The following BMPR1B variants were observed in gnomAD, a reference collection of about 807,000 sequenced individuals.
BMPR1B encodes the protein bone morphogenetic protein receptor type-1B.
In BMPR1B, 12 loss-of-function variants were observed where a neutral mutation model predicts 59.1. The observed-to-expected ratio is 0.20, with a 90% CI of 0.13 to 0.33. The LOEUF is 0.33. Among genes scored for constraint, BMPR1B ranks in the 10% least tolerant of loss-of-function variants. The probability of loss-of-function intolerance (pLI) is 1.00; values close to 1 mark genes in which losing one functional copy is unlikely to be tolerated. For synonymous variants in BMPR1B, 237 were observed against 207.3 expected, an observed-to-expected ratio of 1.14 and a Z score of -1.23; for missense variants, 550 against 610.9, an observed-to-expected ratio of 0.90 and a Z score of 1.05.
chr4:94,891,541 G>A (rs182318283), intron 2 of BMPR1B, among the ~76,000 whole-genome samples: 14 of 152,152 alleles, frequency 9.2e-5, no homozygotes, highest in Admixed American at 9.2e-4. Flanking sequence ...GGTACTAGTG[G>A]TTTTTGAAGT....
intron 2 of BMPR1B, among the ~76,000 whole-genome samples, chr4:94,987,521 T>C (rs1421268309): frequency 2.0e-5 from 3 of 152,066 alleles, no homozygotes; most frequent in South Asian, 2.1e-4. Flanking sequence ...TCCTCTCCCA[T>C]TGAGACCATT....
At chr4:95,098,113 A>G (rs939668672) in intron 3 of BMPR1B, among the ~76,000 whole-genome samples, 1 of 152,098 alleles carries the variant, frequency 6.6e-6, no homozygotes, top group Non-Finnish European at 1.5e-5. Flanking sequence ...ACATTCTTAT[A>G]TGTTATTTTA....
At position 95,026,065 on chromosome 4, in the gene BMPR1B, C is replaced by A. The variant is rs534303265; in HGVS notation, c.-18+29931C>A. Among the ~76,000 whole-genome samples the A allele has an allele frequency of 8.2e-5, 12 of 146,680 alleles. No individual in the cohort carries two copies. In the South Asian group the frequency reaches 2.2e-3, roughly 27 times the overall value. Reference sequence around the variant, plus strand: ...CAGTATACTTTTGCTCATTTTATACCACCATGCTTGGCTGGCTGGATTGCT... The same window carrying A: ...CAGTATACTTTTGCTCATTTTATACAACCATGCTTGGCTGGCTGGATTGCT... On this transcript the variant is annotated intron_variant, in intron 3 of 12. Transcript: ENST00000515059.
chr4:94,882,990 G>A (rs1034541373), intron 2 of BMPR1B, among the ~76,000 whole-genome samples: 1 of 151,626 alleles, frequency 6.6e-6, no homozygotes, highest in African/African-American at 2.4e-5. Context: ...GTGTGTGTGT[G>A]TGTGTGTGTG....
At chr4:95,017,373 A>G (rs1207363810) in intron 3 of BMPR1B, among the ~76,000 whole-genome samples, 1 of 151,992 alleles carries the variant, frequency 6.6e-6, no homozygotes, top group Admixed American at 6.6e-5. Context: ...TGTTCTCTCC[A>G]CCTGTCTTCT....
intron 2 of BMPR1B, among the ~76,000 whole-genome samples, chr4:94,930,706 T>TA (rs1226045267): frequency 6.6e-6 from 1 of 152,124 alleles, no homozygotes; most frequent in African/African-American, 2.4e-5. Flanking sequence ...AACAGACAAT[T>TA]ACAATATAGT....
At chr4:94,881,115 A>G (rs1016499443) in intron 2 of BMPR1B, among the ~76,000 whole-genome samples, 4 of 152,082 alleles carry the variant, frequency 2.6e-5, no homozygotes, top group Non-Finnish European at 5.9e-5. Context: ...GGCATTCAGT[A>G]TGTTTACATT....
Position 94,840,340 on chromosome 4 carries a change from A to G in BMPR1B, c.-182-35491A>G, listed in dbSNP as rs1236349867. On this transcript the variant is annotated intron_variant, in intron 1 of 12. Coordinates refer to ENST00000515059, the MANE Select transcript of BMPR1B (RefSeq NM_001203.3). The stretch of plus-strand genomic sequence containing the variant: ...TTAGATTGGGGAAGTTCTCCTAGAT[A>G]ATATCCTGCAGAGTGTTTTTCAACT... Among the ~76,000 whole-genome samples the G allele has an allele frequency of 5.4e-5, 8 of 149,004 alleles. 1 individual carries two copies. The highest frequency in any genetic ancestry group is 1.5e-4 in the African/African-American group (6 of 40,290).
chr4:94,871,364 TCTG>T, intron 1 of BMPR1B, among the ~76,000 whole-genome samples: 1 of 152,354 alleles, frequency 6.6e-6, no homozygotes, highest in Non-Finnish European at 1.5e-5. Flanking sequence ...ACTAATCTTT[TCTG>T]CTATTTTAAG....
At chr4:94,958,975 A>C (rs541527100) in intron 2 of BMPR1B, among the ~76,000 whole-genome samples, 4 of 152,280 alleles carry the variant, frequency 2.6e-5, no homozygotes, top group African/African-American at 9.6e-5. Flanking sequence ...AGCATGGTAT[A>C]GTTGGAAACA....
At chr4:94,957,799 A>G (rs1730210731) in intron 2 of BMPR1B, among the ~76,000 whole-genome samples, 1 of 152,164 alleles carries the variant, frequency 6.6e-6, no homozygotes, top group South Asian at 2.1e-4. Flanking sequence ...TTTTTCAAAT[A>G]TGTTAAAAAT....
chr4:95,131,536 C>A, intron 10 of BMPR1B, 24 bp downstream of exon 10: 1 of 1,611,708 alleles, frequency 6.2e-7, no homozygotes, highest in Non-Finnish European at 8.5e-7. Flanking sequence ...TGAACAAATA[C>A]ATGTTTTATG....
intron 3 of BMPR1B, among the ~76,000 whole-genome samples, chr4:95,095,798 A>G (rs1026141077): frequency 6.6e-6 from 1 of 152,010 alleles, no homozygotes; most frequent in Non-Finnish European, 1.5e-5. Flanking sequence ...TTCTCTCTGC[A>G]TTTAAATGTG....
chr4:94,950,361 G>T (rs955719540), intron 2 of BMPR1B, among the ~76,000 whole-genome samples: 2 of 151,942 alleles, frequency 1.3e-5, no homozygotes, highest in East Asian at 1.9e-4. Context: ...TGAAGTCTTC[G>T]CCCATGCCTA....
intron 1 of BMPR1B, among the ~76,000 whole-genome samples, chr4:94,844,668 TC>T (rs57820352): frequency 0.61 from 92,873 of 151,586 alleles, 29,447 homozygotes; most frequent in African/African-American, 0.78. Flanking sequence ...CTGCCTGACT[TC>T]CCCCCGCTGC....
intron 2 of BMPR1B, among the ~76,000 whole-genome samples, chr4:94,963,402 C>CA (rs1245658845): frequency 6.6e-6 from 1 of 152,010 alleles, no homozygotes; most frequent in African/African-American, 2.4e-5. Flanking sequence ...AGGTCTTACA[C>CA]AAAAAAATAC....
rs150525167 is a variant in BMPR1B at position 94,856,143 on chromosome 4, C to G, written c.-182-19688C>G. Among the ~76,000 whole-genome samples the G allele has an allele frequency of 2.8e-3, 429 of 152,244 alleles. 3 individuals carry two copies. Among genetic ancestry groups the G allele is most frequent in the African/African-American group, 9.6e-3 (397 of 41,556 alleles). Reference sequence around the variant, plus strand: ...AGATTGTCTCATGAAAAAGAAAACCCAGCTATCCAAAGTAAGAAATGTAGA... The same window carrying G: ...AGATTGTCTCATGAAAAAGAAAACCGAGCTATCCAAAGTAAGAAATGTAGA... On this transcript the variant is annotated intron_variant, in intron 1 of 12. Transcript: ENST00000515059.
At chr4:94,833,684 AT>A (rs912201270) in intron 1 of BMPR1B, among the ~76,000 whole-genome samples, 2 of 152,124 alleles carry the variant, frequency 1.3e-5, no homozygotes, top group African/African-American at 2.4e-5. Flanking sequence ...TCCTTATAGA[AT>A]TTTGAAAGGA....
chr4:95,142,417 A>G (rs1430220726), intron 10 of BMPR1B, among the ~76,000 whole-genome samples: 6 of 152,164 alleles, frequency 3.9e-5, no homozygotes, highest in African/African-American at 7.2e-5. Flanking sequence ...AGGCAAACCC[A>G]TGGCCTCCTT....
Sources: allele counts gnomAD v4.1 joint callset (sites outside exome capture counted in the v4.1 genomes callset), GRCh38; gene constraint gnomAD v4.1.1; transcripts MANE v1.5; gene names NCBI Gene and HGNC (gene_info 2026-07-23, HGNC 2026-07-21).